The following ZKSCAN1 variants were observed in gnomAD, a reference collection of about 807,000 sequenced individuals.
ZKSCAN1 encodes the protein zinc finger with KRAB and SCAN domains 1.
A neutral mutation model predicts 51.6 loss-of-function variants in ZKSCAN1; 14 were observed. The ratio of observed to expected loss-of-function variants is 0.27; its 90% CI spans 0.18 to 0.42. The LOEUF (loss-of-function observed/expected upper bound fraction) is 0.42, where lower values mean the gene tolerates loss of function less well. ZKSCAN1 is among the 10% of genes least tolerant of loss of function. ZKSCAN1 has a pLI of 1.00. For missense variants in ZKSCAN1, 531 were observed against 710.0 expected (o/e 0.75, Z 2.86); for synonymous variants, 263 against 261.5 (o/e 1.01, Z -0.06).
Position 100,039,881 on chromosome 7 carries a change from T to C in ZKSCAN1, c.*5684T>C. On this transcript the variant is annotated 3_prime_UTR_variant, in exon 6 of 6. Coordinates refer to ENST00000324306, the MANE Select transcript of ZKSCAN1 (RefSeq NM_003439.4). ...CAGAGAAAAAGAAAAGTCAGTGATA[T>C]AAATAGATCATTTCATAGAAATTAG... is the stretch of plus-strand genomic sequence containing the variant. The C allele has an allele frequency of 2.0e-6, 2 of 984,398 alleles. No homozygotes were observed. The highest frequency in any genetic ancestry group is 6.1e-5 in the Admixed American group (1 of 16,272). 61.0% of individuals were successfully genotyped at this position (984,398 alleles called of 1,614,324 possible).
rs1791368565 is a variant in ZKSCAN1, at chr7:100,036,548, T to C, written c.*2351T>C. 1.2e-6 allele frequency: 1 copy of C among 809,964 alleles called. No individual in the cohort carries two copies. Among genetic ancestry groups the C allele is most frequent in the African/African-American group, 1.9e-5 (1 of 53,576 alleles). The allele number at this position is 809,964 out of a possible 1,614,324, so 50.2% of individuals were successfully genotyped here. A position where few individuals can be genotyped will look rare whatever the true frequency, so the allele number is the denominator to read the frequency against. ...GCCTGGCCAACATGGTAAAATCCCG[T>C]CTCTACTAAAATTATAAAAATTAGC... On this transcript the variant is annotated 3_prime_UTR_variant, in exon 6 of 6. Transcript: ENST00000324306.
At position 100,029,967 on chromosome 7, in the gene ZKSCAN1, C is replaced by T; in HGVS notation, c.672+15C>T. On this transcript the variant is annotated intron_variant, in intron 4 of 5. Coordinates refer to ENST00000324306, the MANE Select transcript of ZKSCAN1 (RefSeq NM_003439.4). The stretch of plus-strand genomic sequence containing the variant: ...CGGATTCCCAGGTGAGCTGTGGCCC[C>T]TCTGCTCTCCTGAGTCCTCAGTGTC... 1 of 1,613,516 alleles carries T rather than the reference C, an allele frequency of 6.2e-7. No individual in the cohort carries two copies. The highest frequency in any genetic ancestry group is 8.5e-7 in the Non-Finnish European group (1 of 1,179,442).
intron 3 of ZKSCAN1, chr7:100,025,102 TA>T (rs973842195): frequency 6.6e-6 from 1 of 151,908 alleles, no homozygotes. Flanking sequence ...TGGTAGGCAT[TA>T]TTTATTGAAT....
intron 3 of ZKSCAN1, among the ~76,000 whole-genome samples, chr7:100,028,172 G>A (rs1790926174): frequency 6.6e-6 from 1 of 151,968 alleles, no homozygotes; most frequent in Non-Finnish European, 1.5e-5. Context: ...GGCCAACATG[G>A]TGAAACCCCG....
At position 100,034,370 on chromosome 7, in the gene ZKSCAN1, C is replaced by T. The variant is rs551052595; in HGVS notation, c.*173C>T. Reference sequence around the variant, plus strand: ...GTTCTGCCTTTATGTAGTAGTTGGGCATATAATCCTTCCACACAGCCCCTG... The same window carrying T: ...GTTCTGCCTTTATGTAGTAGTTGGGTATATAATCCTTCCACACAGCCCCTG... On this transcript the variant is annotated 3_prime_UTR_variant, in exon 6 of 6. Transcript: ENST00000324306. 2.4e-5 allele frequency: 32 copies of T among 1,359,452 alleles called. No individual in the cohort carries two copies. In the East Asian group the frequency reaches 6.7e-4, roughly 29 times the overall value. 84.2% of individuals were successfully genotyped at this position (1,359,452 alleles called of 1,614,324 possible).
At chr7:100,017,274 G>A (rs1790408992) in intron 1 of ZKSCAN1, among the ~76,000 whole-genome samples, 1 of 151,946 alleles carries the variant, frequency 6.6e-6, no homozygotes, top group South Asian at 2.1e-4. Flanking sequence ...CCAGGCTGGA[G>A]TGCAGTGGTG....
Position 100,034,555 on chromosome 7 carries a change from C to T in ZKSCAN1, c.*358C>T, listed in dbSNP as rs1421766869. On this transcript the variant is annotated 3_prime_UTR_variant, in exon 6 of 6. Coordinates refer to ENST00000324306, the MANE Select transcript of ZKSCAN1 (RefSeq NM_003439.4). ...ATAATAGTTGAAAGATCAAGATTGGCTCCACGAAAGTGATACGGAGGTTAG... is the reference window on the plus strand; with the variant it reads ...ATAATAGTTGAAAGATCAAGATTGGTTCCACGAAAGTGATACGGAGGTTAG... The T allele has an allele frequency of 9.9e-7, 1 of 1,013,242 alleles. No homozygotes were observed. Among genetic ancestry groups the T allele is most frequent in the African/African-American group, 1.7e-5 (1 of 58,352 alleles). The allele number at this position is 1,013,242 out of a possible 1,614,324, so 62.8% of individuals were successfully genotyped here. A position where few individuals can be genotyped will look rare whatever the true frequency, so the allele number is the denominator to read the frequency against.
chr7:100,037,208 C>G lies in ZKSCAN1; in HGVS notation c.*3011C>G, dbSNP rs1791402493. 1.0e-6 allele frequency: 1 copy of G among 985,444 alleles called. No individual in the cohort carries two copies. The highest frequency in any genetic ancestry group is 1.2e-6 in the Non-Finnish European group (1 of 829,934). The allele number at this position is 985,444 out of a possible 1,614,324, so 61.0% of individuals were successfully genotyped here. ...TCAAAAGTTCTTGGCCCGCTGAAGTCTGTTAACAGTTGAAACATTCTACAG... is the reference window on the plus strand; with the variant it reads ...TCAAAAGTTCTTGGCCCGCTGAAGTGTGTTAACAGTTGAAACATTCTACAG... On this transcript the variant is annotated 3_prime_UTR_variant, in exon 6 of 6. Coordinates refer to ENST00000324306, the MANE Select transcript of ZKSCAN1 (RefSeq NM_003439.4).
rs1331208412 is a variant in ZKSCAN1, at chr7:100,038,473, A to T, written c.*4276A>T. On this transcript the variant is annotated 3_prime_UTR_variant, in exon 6 of 6. Transcript: ENST00000324306. ...GGCACTGAAATGGAACAACTCCTTT[A>T]AACGTGCAGCCTTTTGAATTTTTCC... 5 of 985,482 alleles carry T rather than the reference A, an allele frequency of 5.1e-6. No individual in the cohort carries two copies. Among genetic ancestry groups the T allele is most frequent in the Non-Finnish European group, 4.8e-6 (4 of 829,946 alleles). 61.0% of individuals were successfully genotyped at this position (985,482 alleles called of 1,614,324 possible).
At chr7:100,044,406 G>A (rs1311544833), downstream of ZKSCAN1, among the ~76,000 whole-genome samples, 2 of 151,988 alleles carry the variant, frequency 1.3e-5, no homozygotes, top group African/African-American at 4.8e-5. Flanking sequence ...GGTGGCTCAC[G>A]CCTGTAATCC....
chr7:100,036,834 T>G lies in ZKSCAN1; in HGVS notation c.*2637T>G. The G allele has an allele frequency of 1.4e-6, 1 of 700,066 alleles. No homozygotes were observed. Among genetic ancestry groups the G allele is most frequent in the South Asian group, 7.0e-5 (1 of 14,328 alleles). 43.4% of individuals were successfully genotyped at this position (700,066 alleles called of 1,614,324 possible). On this transcript the variant is annotated 3_prime_UTR_variant, in exon 6 of 6. Coordinates refer to ENST00000324306, the MANE Select transcript of ZKSCAN1 (RefSeq NM_003439.4). ...TGGTCATGTTTACATTGGCCTTTGG[T>G]TTTTTTTTTTCTTTCAGCCACAACT...
At chr7:100,028,859 A>C (rs1274130172) in intron 3 of ZKSCAN1, among the ~76,000 whole-genome samples, 1 of 151,974 alleles carries the variant, frequency 6.6e-6, no homozygotes. Context: ...AGGGACAAAA[A>C]CTGGCAAAAA....
Position 100,035,938 on chromosome 7 carries a change from T to C in ZKSCAN1, c.*1741T>C. The stretch of plus-strand genomic sequence containing the variant: ...GGACCGCCCTGCGGAAACAGAAACA[T>C]AGACTGAGAACAAACCTCAAGACTA... On this transcript the variant is annotated 3_prime_UTR_variant, in exon 6 of 6. Transcript: ENST00000324306. 1 of 985,444 alleles carries C rather than the reference T, an allele frequency of 1.0e-6. No individual in the cohort carries two copies. Among genetic ancestry groups the C allele is most frequent in the Non-Finnish European group, 1.2e-6 (1 of 829,944 alleles). 61.0% of individuals were successfully genotyped at this position (985,444 alleles called of 1,614,324 possible). A position where few individuals can be genotyped will look rare whatever the true frequency, so the allele number is the denominator to read the frequency against.
At position 100,033,177 on chromosome 7, in the gene ZKSCAN1, A is replaced by G; in HGVS notation, c.800-128A>G. Reference sequence around the variant, plus strand: ...ACAGAGCGAGACTCTGTCTCAAAGGAAATAAAAATAAAAATATTGCAAAGT... The same window carrying G: ...ACAGAGCGAGACTCTGTCTCAAAGGGAATAAAAATAAAAATATTGCAAAGT... On this transcript the variant is annotated intron_variant, in intron 5 of 5. Coordinates refer to ENST00000324306, the MANE Select transcript of ZKSCAN1 (RefSeq NM_003439.4). This position sits in a 1 kb window ranked among gnomAD's most constrained non-coding sequence, Gnocchi z 4.1. 1 of 1,423,336 alleles carries G rather than the reference A, an allele frequency of 7.0e-7. No homozygotes were observed. Among genetic ancestry groups the G allele is most frequent in the Non-Finnish European group, 9.2e-7 (1 of 1,086,702 alleles). The allele number at this position is 1,423,336 out of a possible 1,614,324, so 88.2% of individuals were successfully genotyped here.
chr7:100,038,994 CAA>C lies in ZKSCAN1; in HGVS notation c.*4810_*4811del, dbSNP rs748001017. ...TGGGTGATGGCGTGAGACTCCATGT[CAA>C]AAAAAAAAAAAAGGTTGGGGGGAGG... On this transcript the variant is annotated 3_prime_UTR_variant, in exon 6 of 6. Coordinates refer to ENST00000324306, the MANE Select transcript of ZKSCAN1 (RefSeq NM_003439.4). The C allele has an allele frequency of 4.4e-4, 41 of 93,466 alleles. No individual in the cohort carries two copies. Among genetic ancestry groups the C allele is most frequent in the Non-Finnish European group, 5.6e-4 (26 of 46,248 alleles). The allele number at this position is 93,466 out of a possible 1,614,324, so 5.8% of individuals were successfully genotyped here.
Position 100,029,940 on chromosome 7 carries a change from A to G in ZKSCAN1, c.660A>G (p.Thr220=). 1 of 1,614,086 alleles carries G rather than the reference A, an allele frequency of 6.2e-7. No individual in the cohort carries two copies. The highest frequency in any genetic ancestry group is 8.5e-7 in the Non-Finnish European group (1 of 1,180,000). ...RDQAMASALF[T]ADSQAMVKIE... is the part of the protein sequence containing the mutation. ...AGGCGATGGCATCTGCACTATTCAC[A>G]GCGGATTCCCAGGTGAGCTGTGGCC... Residue 220 remains threonine, a synonymous_variant, in exon 4 of 6, where the codon ACA becomes ACG. Coordinates refer to ENST00000324306, the MANE Select transcript of ZKSCAN1 (RefSeq NM_003439.4).
intron 5 of ZKSCAN1, among the ~76,000 whole-genome samples, chr7:100,031,541 A>C (rs1328377602): frequency 6.6e-6 from 1 of 152,082 alleles, no homozygotes; most frequent in Non-Finnish European, 1.5e-5. Context: ...CACTTCCTGG[A>C]GTTCTGGGAT....
chr7:100,039,818 G>A lies in ZKSCAN1; in HGVS notation c.*5621G>A, dbSNP rs1348102844. The stretch of plus-strand genomic sequence containing the variant: ...CTAGGGTTTTCCCATCTGGGAAATG[G>A]GGTGAAAGTCTGCAGATTGTTAAAT... On this transcript the variant is annotated 3_prime_UTR_variant, in exon 6 of 6. Transcript: ENST00000324306. The A allele has an allele frequency of 1.1e-5, 11 of 985,398 alleles. No homozygotes were observed. The highest frequency in any genetic ancestry group is 1.3e-5 in the Non-Finnish European group (11 of 829,932). The allele number at this position is 985,398 out of a possible 1,614,324, so 61.0% of individuals were successfully genotyped here. A position where few individuals can be genotyped will look rare whatever the true frequency, so the allele number is the denominator to read the frequency against.
downstream of ZKSCAN1, among the ~76,000 whole-genome samples, chr7:100,043,529 A>G (rs898841766): frequency 1.4e-5 from 2 of 146,174 alleles, no homozygotes; most frequent in Non-Finnish European, 3.0e-5. Flanking sequence ...ATGCATCACT[A>G]CGCCTAGATT....
Sources: gnomAD v4.1 joint callset for allele counts (sites outside exome capture counted in the v4.1 genomes callset) on GRCh38, gnomAD v4.1.1 for gene constraint, Gnocchi (gnomAD v3.1) non-coding constraint, MANE v1.5 for transcripts, NCBI Gene and HGNC (gene_info 2026-07-23, HGNC 2026-07-21) for gene names.